The following GIGYF2 variants were observed in gnomAD, a reference collection of about 807,000 sequenced individuals.
GIGYF2 encodes the protein GRB10-interacting GYF protein 2.
Under a neutral mutation model 208.1 loss-of-function variants are expected in GIGYF2, and 25 were observed. The observed-to-expected ratio is 0.12, with a 90% CI of 0.09 to 0.17. The LOEUF (loss-of-function observed/expected upper bound fraction) is 0.17. Ranked by LOEUF, GIGYF2 falls within the 10% of genes least tolerant of loss-of-function variation. GIGYF2 has a pLI of 1.00. For missense variants in GIGYF2, 1,302 were observed against 1,579.4 expected (o/e 0.82, Z 2.98); for synonymous variants, 534 against 543.8 (o/e 0.98, Z 0.25).
chr2:232,730,001 C>T, intron 2 of GIGYF2: 1 of 753,522 alleles, frequency 1.3e-6, no homozygotes, highest in Non-Finnish European at 2.4e-6. Context: ...GAAGGCTGGC[C>T]TTTTCTTTTT....
intron 8 of GIGYF2, chr2:232,766,756 CT>C (rs1276139191): frequency 1.3e-5 from 2 of 152,226 alleles, no homozygotes; most frequent in African/African-American, 4.8e-5. Context: ...TGACTTGCTG[CT>C]GAGCCCTGCT....
intron 2 of GIGYF2, among the ~76,000 whole-genome samples, chr2:232,715,270 A>G (rs1463299747): frequency 6.6e-6 from 1 of 152,220 alleles, no homozygotes; most frequent in African/African-American, 2.4e-5. Context: ...ATTTATGAAC[A>G]TTTGGATTGT....
Position 232,825,517 on chromosome 2 carries a change from T to C in GIGYF2, c.2529+5532T>C, listed in dbSNP as rs1259469063. Among the ~76,000 whole-genome samples the C allele has an allele frequency of 3.3e-5, 5 of 152,302 alleles. No individual in the cohort carries two copies. In the East Asian group the frequency reaches 9.7e-4, roughly 29 times the overall value. ...GAGCCTGAAGATGTGACTAAATTGC[T>C]ATAATCTCATGGTAAAGTTTGAATG... On this transcript the variant is annotated intron_variant, in intron 21 of 28. Coordinates refer to ENST00000373563, the MANE Select transcript of GIGYF2 (RefSeq NM_001103146.3).
In GIGYF2 at chr2:232,817,021, C is replaced by T. The variant is rs779640539; in HGVS notation, c.2359C>T (p.Arg787Ter). The change falls in exon 20 of 29, where the codon CGA becomes TGA. Residue 787 changes from arginine (R) to a stop codon, truncating the protein, a stop_gained. Transcript: ENST00000373563. LOFTEE classifies it high-confidence loss of function. ...AAGGCGAGAGGAAGAAGAACTTGCC[C>T]GAAGGAAACAGGTATGTATCTGGGA... ...RKRREEEELA[R>*]RKQEEALRRQ... 1 of 1,612,260 alleles carries T rather than the reference C, an allele frequency of 6.2e-7. No individual in the cohort carries two copies. The highest frequency in any genetic ancestry group is 1.7e-5 in the Admixed American group (1 of 60,000).
chr2:232,702,704 C>G (rs1695909491), intron 1 of GIGYF2, among the ~76,000 whole-genome samples: 1 of 152,150 alleles, frequency 6.6e-6, no homozygotes, highest in Non-Finnish European at 1.5e-5. Flanking sequence ...GAGCTTTGCT[C>G]CCTGGACATT....
At chr2:232,830,316 A>G (rs1701391415) in intron 21 of GIGYF2, among the ~76,000 whole-genome samples, 1 of 152,040 alleles carries the variant, frequency 6.6e-6, no homozygotes, top group Admixed American at 6.6e-5. Context: ...TTTTTAGTTC[A>G]TTGATGTTTA....
chr2:232,799,844 G>A (rs1700339989), intron 14 of GIGYF2, among the ~76,000 whole-genome samples: 1 of 151,960 alleles, frequency 6.6e-6, no homozygotes, highest in African/African-American at 2.4e-5. Context: ...GTATTTCATT[G>A]CAGTTTTCAT....
intron 8 of GIGYF2, chr2:232,767,701 C>A: frequency 6.1e-6 from 1 of 164,554 alleles, no homozygotes. Context: ...GTATAAAGAA[C>A]CAAATGAATG....
Position 232,790,683 on chromosome 2 carries a change from T to C in GIGYF2, c.713-15T>C. On this transcript the variant is annotated splice_polypyrimidine_tract_variant and intron_variant, in intron 9 of 28. Coordinates refer to ENST00000373563, the MANE Select transcript of GIGYF2 (RefSeq NM_001103146.3). ...TAAAACTTTTCTAAGGTTTGTGTCC[T>C]CCTTCTCATCTCAGATGGCCCTCGT... 1 of 1,599,314 alleles carries C rather than the reference T, an allele frequency of 6.3e-7. No individual in the cohort carries two copies. Among genetic ancestry groups the C allele is most frequent in the Non-Finnish European group, 8.6e-7 (1 of 1,166,434 alleles).
intron 2 of GIGYF2, among the ~76,000 whole-genome samples, chr2:232,725,510 A>G (rs1192080090): frequency 1.3e-5 from 2 of 152,180 alleles, no homozygotes; most frequent in African/African-American, 2.4e-5. Flanking sequence ...TTCCTCATCT[A>G]CAAAATTGGG....
chr2:232,714,633 A>G (rs565096402), intron 2 of GIGYF2, among the ~76,000 whole-genome samples: 39 of 152,304 alleles, frequency 2.6e-4, no homozygotes, highest in Non-Finnish European at 4.3e-4. Context: ...TACTGTAATC[A>G]AGATATGTAA....
intron 22 of GIGYF2, among the ~76,000 whole-genome samples, chr2:232,838,170 A>G (rs906819227): frequency 1.3e-5 from 2 of 152,202 alleles, no homozygotes; most frequent in African/African-American, 4.8e-5. Context: ...AGGAAGACTT[A>G]ACTTTGGTCT....
intron 8 of GIGYF2, chr2:232,768,960 G>T: frequency 3.0e-6 from 2 of 675,858 alleles, no homozygotes; most frequent in Non-Finnish European, 4.9e-6. Context: ...TGTTAATTTG[G>T]TCAGTCTTAT....
chr2:232,729,460 T>C, intron 2 of GIGYF2: 1 of 859,948 alleles, frequency 1.2e-6, no homozygotes, highest in Non-Finnish European at 1.6e-6. Flanking sequence ...TTATTATTTT[T>C]AGGTTTTTTT....
chr2:232,707,897 C>T lies in GIGYF2; in HGVS notation c.-44+4408C>T, dbSNP rs1696200960. Among the ~76,000 whole-genome samples the T allele has an allele frequency of 2.6e-5, 4 of 152,094 alleles. No homozygotes were observed. In the South Asian group the frequency reaches 8.3e-4, roughly 32 times the overall value. ...AGGTGATCCACCTGTCTTGGCCTCC[C>T]AAAGTGCTAGGATTATAGGTGTGAG... On this transcript the variant is annotated intron_variant, in intron 2 of 28. Transcript: ENST00000373563.
chr2:232,768,668 G>A (rs1184806124), intron 8 of GIGYF2: 1 of 1,613,488 alleles, frequency 6.2e-7, no homozygotes, highest in East Asian at 2.2e-5. Flanking sequence ...CTGAGACCCG[G>A]ACACTGGTTA....
At chr2:232,729,318 G>A (rs759359550) in intron 2 of GIGYF2, among the ~76,000 whole-genome samples, 78 of 152,144 alleles carry the variant, frequency 5.1e-4, no homozygotes, top group African/African-American at 9.2e-4. Flanking sequence ...TCTTCTAGGC[G>A]TTTGAGCTGA....
intron 2 of GIGYF2, among the ~76,000 whole-genome samples, chr2:232,729,011 C>T (rs59929727): frequency 0.015 from 2,321 of 151,978 alleles, 68 homozygotes; most frequent in African/African-American, 0.053. Context: ...CTGGGTCTGG[C>T]TCTGTTGCCC....
intron 3 of GIGYF2, among the ~76,000 whole-genome samples, chr2:232,744,242 T>C (rs1698065832): frequency 2.0e-5 from 3 of 152,186 alleles, no homozygotes. Context: ...GGGTGGTGAA[T>C]ACATTTGAAA....
Sources: gnomAD v4.1 joint callset for allele counts (sites outside exome capture counted in the v4.1 genomes callset) on GRCh38, gnomAD v4.1.1 for gene constraint, MANE v1.5 for transcripts, NCBI Gene and HGNC (gene_info 2026-07-23, HGNC 2026-07-21) for gene names.